GNAL: variants seen among roughly 807,000 people sequenced by gnomAD.
GNAL encodes guanine nucleotide-binding protein G(olf) subunit alpha.
A neutral mutation model predicts 55.1 loss-of-function variants in GNAL; 18 were observed. The ratio of observed to expected loss-of-function variants is 0.33; its 90% CI spans 0.23 to 0.48. GNAL has a LOEUF of 0.48. GNAL is among the 20% of genes least tolerant of loss of function. The pLI, the probability that GNAL is intolerant of heterozygous loss-of-function variation, is 0.99. For synonymous variants in GNAL, 253 were observed against 237.0 expected, an observed-to-expected ratio of 1.07 and a Z score of -0.62; for missense variants, 412 against 614.1, an observed-to-expected ratio of 0.67 and a Z score of 3.48.
At chr18:11,783,050 A>G (rs1400181898) in intron 4 of GNAL, among the ~76,000 whole-genome samples, 4 of 152,246 alleles carry the variant, frequency 2.6e-5, no homozygotes, top group African/African-American at 9.6e-5. Context: ...TGTAAAAGTA[A>G]CTAACTCTGT....
At chr18:11,807,382 C>T (rs912338642) in intron 4 of GNAL, among the ~76,000 whole-genome samples, 2 of 152,054 alleles carry the variant, frequency 1.3e-5, no homozygotes, top group Non-Finnish European at 1.5e-5. Context: ...GCCATAACTG[C>T]GTGGACTAGA....
chr18:11,847,058 T>G (rs950910154), intron 5 of GNAL, among the ~76,000 whole-genome samples: 3 of 151,698 alleles, frequency 2.0e-5, no homozygotes, highest in Admixed American at 6.6e-5. Flanking sequence ...ATATATGTAA[T>G]GTATTCCTCA....
chr18:11,780,942 A>G (rs1023537399), intron 4 of GNAL, among the ~76,000 whole-genome samples: 6 of 152,350 alleles, frequency 3.9e-5, no homozygotes, highest in Non-Finnish European at 8.8e-5. Context: ...CTTAAGTCAC[A>G]CTGAAGTATA....
rs1160245633 is a variant in GNAL, at chr18:11,855,220, G to A, written c.723-7175G>A. Among the ~76,000 whole-genome samples the A allele has an allele frequency of 3.9e-5, 6 of 152,262 alleles. No individual in the cohort carries two copies. The East Asian group carries it at 5.8e-4, about 15-fold the overall frequency. ...CTCCCAAAGTGCTGGGATTACAGGCGTGAGCCACCGCGCCCGGTCCCCTGG... is the reference window on the plus strand; with the variant it reads ...CTCCCAAAGTGCTGGGATTACAGGCATGAGCCACCGCGCCCGGTCCCCTGG... On this transcript the variant is annotated intron_variant, in intron 5 of 11. Coordinates refer to ENST00000334049, the MANE Select transcript of GNAL (RefSeq NM_182978.4).
At chr18:11,711,853 C>T (rs2031846786) in intron 1 of GNAL, among the ~76,000 whole-genome samples, 1 of 152,182 alleles carries the variant, frequency 6.6e-6, no homozygotes. Flanking sequence ...GTCCTTATGG[C>T]TTTAGCAGGG....
At position 11,752,022 on chromosome 18, in the gene GNAL, C is replaced by T. The variant is rs2032856921; in HGVS notation, c.377-831C>T. On this transcript the variant is annotated intron_variant, in intron 1 of 11. Coordinates refer to ENST00000334049, the MANE Select transcript of GNAL (RefSeq NM_182978.4). The surrounding 1 kb of genome is among the most constrained non-coding windows in gnomAD (Gnocchi z 4.5). Reference sequence around the variant, plus strand: ...CCGGCACCCAGCCGAGCGCGCCGCCCCCTCGGGGACCCGCTGGGCGGGGCT... The same window carrying T: ...CCGGCACCCAGCCGAGCGCGCCGCCTCCTCGGGGACCCGCTGGGCGGGGCT... The T allele has an allele frequency of 6.5e-6, 1 of 153,716 alleles. No homozygotes were observed. The highest frequency in any genetic ancestry group is 2.4e-5 in the African/African-American group (1 of 41,520). 9.5% of individuals were successfully genotyped at this position (153,716 alleles called of 1,614,324 possible).
At chr18:11,864,699 G>A (rs1471649355) in intron 7 of GNAL, 93 bp downstream of exon 7, 2 of 778,158 alleles carry the variant, frequency 2.6e-6, no homozygotes, top group African/African-American at 1.7e-5. Flanking sequence ...ATTCCTGAAT[G>A]TGCATGGCAG....
intron 4 of GNAL, among the ~76,000 whole-genome samples, chr18:11,761,873 G>T (rs534113183): frequency 6.6e-6 from 1 of 152,280 alleles, no homozygotes; most frequent in Admixed American, 6.5e-5. Flanking sequence ...TTTTAAAAAA[G>T]TCCTAGGAAA....
chr18:11,787,873 C>CA (rs541254476), intron 4 of GNAL, among the ~76,000 whole-genome samples: 36,432 of 123,942 alleles, frequency 0.29, 5,632 homozygotes, highest in African/African-American at 0.48. Context: ...GACTCCATCT[C>CA]AAAAAAAAAA....
intron 1 of GNAL, among the ~76,000 whole-genome samples, chr18:11,747,898 C>G (rs2032726506): frequency 6.6e-6 from 1 of 152,098 alleles, no homozygotes; most frequent in Non-Finnish European, 1.5e-5. Context: ...AGCCCTGGGT[C>G]CCCGCAGGTG....
chr18:11,755,485 C>G (rs1348751460), intron 4 of GNAL, among the ~76,000 whole-genome samples: 2 of 152,154 alleles, frequency 1.3e-5, no homozygotes, highest in African/African-American at 4.8e-5. Context: ...CCGTGTTAGC[C>G]AGGATGGTCT....
intron 1 of GNAL, among the ~76,000 whole-genome samples, chr18:11,724,646 G>A (rs1186233824): frequency 2.0e-5 from 3 of 152,336 alleles, no homozygotes; most frequent in Admixed American, 6.5e-5. Context: ...GGCCACTTCT[G>A]CATATAACTT....
intron 1 of GNAL, among the ~76,000 whole-genome samples, chr18:11,726,661 A>G (rs1247882429): frequency 6.6e-6 from 1 of 152,116 alleles, no homozygotes; most frequent in Admixed American, 6.5e-5. Context: ...TCTCTGGGGT[A>G]GGCTTTCAGC....
rs191362993 is a variant in GNAL at position 11,824,023 on chromosome 18, G to T, written c.625-895G>T. Among the ~76,000 whole-genome samples the T allele has an allele frequency of 2.9e-4, 44 of 152,166 alleles. 1 individual carries two copies. The East Asian group carries it at 6.6e-3, about 23-fold the overall frequency. On this transcript the variant is annotated intron_variant, in intron 4 of 11. Transcript: ENST00000334049. Reference sequence around the variant, plus strand: ...GTGACCTCATGGCTCTGGAATGAACGAAAAATCACAATTCACACTTAACTC... The same window carrying T: ...GTGACCTCATGGCTCTGGAATGAACTAAAAATCACAATTCACACTTAACTC...
rs1393254850 is a variant in GNAL, at chr18:11,768,905, A to ATAT, written c.624+14960_624+14961insTAT. ...CAAGACTCTGTCTCAAAAAAAAAAA[A>ATAT]AAATATATATATAACATATTATTAT... On this transcript the variant is annotated intron_variant, in intron 4 of 11. Coordinates refer to ENST00000334049, the MANE Select transcript of GNAL (RefSeq NM_182978.4). 2.6e-3 allele frequency among the ~76,000 whole-genome samples: 283 copies of ATAT among 109,926 alleles called. 11 individuals carry two copies. The highest frequency in any genetic ancestry group is 0.014 in the African/African-American group (273 of 20,056). 72.1% of individuals were successfully genotyped at this position (109,926 alleles called of 152,430 possible).
chr18:11,731,294 C>T (rs1463778008), intron 1 of GNAL, among the ~76,000 whole-genome samples: 1 of 152,192 alleles, frequency 6.6e-6, no homozygotes, highest in East Asian at 1.9e-4. Context: ...ATTACAGGCC[C>T]ACGCCACTAT....
At chr18:11,865,274 C>T (rs2036236520) in intron 7 of GNAL, among the ~76,000 whole-genome samples, 1 of 149,560 alleles carries the variant, frequency 6.7e-6, no homozygotes, top group South Asian at 2.1e-4. Context: ...TGACCCAAGC[C>T]CTCTGCCTAT....
At chr18:11,788,914 A>AAAAAAAAAAAAATATATATATAT (rs60071996) in intron 4 of GNAL, among the ~76,000 whole-genome samples, 1 of 56,300 alleles carries the variant, frequency 1.8e-5, no homozygotes, top group African/African-American at 1.0e-4. Context: ...AAAAAAAAAA[A>AAAAAAAAAAAAATATATATATAT]ATATATATAT....
intron 9 of GNAL, among the ~76,000 whole-genome samples, chr18:11,870,234 T>A (rs183531480): frequency 5.5e-4 from 84 of 152,002 alleles, no homozygotes; most frequent in African/African-American, 2.0e-3. Context: ...AAGTACCAGT[T>A]TAGGGGCCGG....
Sources: gnomAD v4.1 joint callset for allele counts (sites outside exome capture counted in the v4.1 genomes callset) on GRCh38, gnomAD v4.1.1 for gene constraint, Gnocchi (gnomAD v3.1) non-coding constraint, MANE v1.5 for transcripts, NCBI Gene and HGNC (gene_info 2026-07-23, HGNC 2026-07-21) for gene names.